IMMP2L: variants seen among roughly 807,000 people sequenced by gnomAD.
IMMP2L encodes the protein mitochondrial inner membrane protease subunit 2.
IMMP2L carries 18 observed loss-of-function variants against 19.3 expected under a neutral mutation model. The ratio of observed to expected loss-of-function variants is 0.93; its 90% CI spans 0.64 to 1.38. IMMP2L has a LOEUF of 1.38. IMMP2L is among the 40% of genes most tolerant of loss of function. The pLI is 0.00. For synonymous variants in IMMP2L, 76 were observed against 73.0 expected (o/e 1.04, Z -0.21); for missense variants, 233 against 218.2 (o/e 1.07, Z -0.43).
chr7:110,951,889 C>T (rs971513375), intron 4 of IMMP2L, among the ~76,000 whole-genome samples: 1 of 151,994 alleles, frequency 6.6e-6, no homozygotes, highest in African/African-American at 2.4e-5. Context: ...TTCTTCCTCC[C>T]AATATCTTAA....
At chr7:111,318,416 T>A (rs1029503950) in intron 3 of IMMP2L, among the ~76,000 whole-genome samples, 2 of 152,138 alleles carry the variant, frequency 1.3e-5, no homozygotes, top group Non-Finnish European at 2.9e-5. Context: ...CACATACAGA[T>A]GTCTAAAGGA....
chr7:111,303,065 T>C (rs187834998), intron 3 of IMMP2L, among the ~76,000 whole-genome samples: 145 of 152,226 alleles, frequency 9.5e-4, no homozygotes, highest in South Asian at 3.5e-3. Flanking sequence ...ACAAATATCA[T>C]TTGGAATTCT....
intron 3 of IMMP2L, among the ~76,000 whole-genome samples, chr7:111,434,652 T>C (rs1423241716): frequency 6.6e-6 from 1 of 151,662 alleles, no homozygotes; most frequent in Non-Finnish European, 1.5e-5. Flanking sequence ...TTCAAGAGAT[T>C]CTCCTGCCTC....
At chr7:110,834,290 G>A (rs1319570970) in intron 5 of IMMP2L, among the ~76,000 whole-genome samples, 1 of 152,064 alleles carries the variant, frequency 6.6e-6, no homozygotes, top group Non-Finnish European at 1.5e-5. Flanking sequence ...CAGCACAGCA[G>A]CCTGTCATGT....
At chr7:111,302,365 T>C (rs1023510737) in intron 3 of IMMP2L, among the ~76,000 whole-genome samples, 6 of 152,160 alleles carry the variant, frequency 3.9e-5, no homozygotes, top group Admixed American at 2.0e-4. Flanking sequence ...AGGATCCTTG[T>C]CTGCCTTGTT....
intron 3 of IMMP2L, among the ~76,000 whole-genome samples, chr7:111,212,540 G>A (rs1811439787): frequency 6.6e-6 from 1 of 152,036 alleles, no homozygotes; most frequent in Non-Finnish European, 1.5e-5. Context: ...AGGCCAGGGA[G>A]GCGGAGGCTG....
intron 3 of IMMP2L, among the ~76,000 whole-genome samples, chr7:111,011,613 C>T (rs1241104500): frequency 1.3e-5 from 2 of 152,004 alleles, no homozygotes; most frequent in Non-Finnish European, 2.9e-5. Flanking sequence ...TACCCTTAGC[C>T]AATATGATGT....
chr7:110,928,585 A>G (rs1815127672), intron 4 of IMMP2L, among the ~76,000 whole-genome samples: 1 of 152,054 alleles, frequency 6.6e-6, no homozygotes, highest in African/African-American at 2.4e-5. Flanking sequence ...TCAAACAGTA[A>G]TACACATAAA....
intron 2 of IMMP2L, among the ~76,000 whole-genome samples, chr7:111,492,768 A>G (rs1391015124): frequency 6.6e-6 from 1 of 152,214 alleles, no homozygotes; most frequent in Non-Finnish European, 1.5e-5. Context: ...ATAGTGAAGT[A>G]AGTATTAGAA....
In IMMP2L at chr7:111,123,976, T is replaced by C. The variant is rs1270143879; in HGVS notation, c.240-160411A>G. ...ACTGTTTTGCGTGGACCCACCTGAA[T>C]TCCAAGGTCAGAATGTTCGGCAAGT... On this transcript the variant is annotated intron_variant, in intron 3 of 5. Coordinates refer to ENST00000405709, the MANE Select transcript of IMMP2L (RefSeq NM_032549.4). This position sits in a 1 kb window ranked among gnomAD's most constrained non-coding sequence, Gnocchi z 6.4. 2 of 1,614,016 alleles carry C rather than the reference T, an allele frequency of 1.2e-6. No individual in the cohort carries two copies. The highest frequency in any genetic ancestry group is 1.7e-6 in the Non-Finnish European group (2 of 1,179,972).
At chr7:111,013,617 G>A (rs1825201159) in intron 3 of IMMP2L, among the ~76,000 whole-genome samples, 2 of 152,052 alleles carry the variant, frequency 1.3e-5, no homozygotes, top group Non-Finnish European at 1.5e-5. Flanking sequence ...TATGTTCACA[G>A]GCATCACTCC....
chr7:110,858,045 G>A (rs756374448), intron 5 of IMMP2L, among the ~76,000 whole-genome samples: 5 of 151,900 alleles, frequency 3.3e-5, no homozygotes, highest in African/African-American at 7.2e-5. Context: ...AGCTGAACTC[G>A]TCTCACAGTA....
chr7:111,532,395 G>A (rs1400942513), intron 1 of IMMP2L: 1 of 152,078 alleles, frequency 6.6e-6, no homozygotes, highest in Admixed American at 6.6e-5. Context: ...TAAAGAACAT[G>A]GTTTCTGGGT....
chr7:111,465,501 T>TAAAAAAAAAAAAAAAAAA (rs757362734), intron 3 of IMMP2L, among the ~76,000 whole-genome samples: 1 of 64,286 alleles, frequency 1.6e-5, no homozygotes, highest in African/African-American at 5.1e-5. Context: ...CAGGTGTCAC[T>TAAAAAAAAAAAAAAAAAA]AAAAAAAAAA....
At chr7:111,074,413 G>A (rs1563215513) in intron 3 of IMMP2L, among the ~76,000 whole-genome samples, 2 of 152,310 alleles carry the variant, frequency 1.3e-5, no homozygotes, top group African/African-American at 4.8e-5. Flanking sequence ...TAGCAATGCT[G>A]AAAAAGCCTT....
chr7:111,199,818 A>G (rs1809913663), intron 3 of IMMP2L, among the ~76,000 whole-genome samples: 1 of 152,154 alleles, frequency 6.6e-6, no homozygotes, highest in Non-Finnish European at 1.5e-5. Flanking sequence ...TATCTCACAT[A>G]AAGTATGCTG....
At chr7:110,755,639 A>G (rs1275865675) in intron 5 of IMMP2L, among the ~76,000 whole-genome samples, 1 of 152,128 alleles carries the variant, frequency 6.6e-6, no homozygotes, top group African/African-American at 2.4e-5. Context: ...AGATATTTAA[A>G]CAGATCCTTA....
chr7:111,088,504 G>A (rs943440911), intron 3 of IMMP2L, among the ~76,000 whole-genome samples: 1 of 151,952 alleles, frequency 6.6e-6, no homozygotes, highest in Non-Finnish European at 1.5e-5. Context: ...AAGAAAAGAA[G>A]GAGAAGAAGG....
At chr7:110,931,474 T>C (rs562232952) in intron 4 of IMMP2L, among the ~76,000 whole-genome samples, 31 of 152,318 alleles carry the variant, frequency 2.0e-4, no homozygotes, top group African/African-American at 2.9e-4. Context: ...GTTGTTCAGA[T>C]TGAAATCCAA....
Sources: gnomAD v4.1 joint callset for allele counts (sites outside exome capture counted in the v4.1 genomes callset) on GRCh38, gnomAD v4.1.1 for gene constraint, Gnocchi (gnomAD v3.1) non-coding constraint, MANE v1.5 for transcripts, NCBI Gene and HGNC (gene_info 2026-07-23, HGNC 2026-07-21) for gene names.